MTCL2: variants seen among roughly 807,000 people sequenced by gnomAD.
MTCL2 encodes the protein microtubule cross-linking factor 2.
chr20:36,792,812 T>C, the MTCL2 span, among the ~76,000 whole-genome samples: 1 of 151,948 alleles, frequency 6.6e-6, no homozygotes, highest in Non-Finnish European at 1.5e-5. Context: ...TATCCCTGAA[T>C]TTTTATTTTA....
At chr20:36,815,780 G>A in the MTCL2 span, 10 of 1,590,988 alleles carry the variant, frequency 6.3e-6, no homozygotes, top group Admixed American at 5.3e-5. The surrounding 1 kb of genome is among the most constrained non-coding windows in gnomAD (Gnocchi z 5.3). Context: ...ACAGCGCCAC[G>A]TCCAGCTCGT....
chr20:36,804,507 C>T, the MTCL2 span, among the ~76,000 whole-genome samples: 1 of 152,146 alleles, frequency 6.6e-6, no homozygotes, highest in East Asian at 1.9e-4. Context: ...GAGCCCAGGG[C>T]GCAATCCCCC....
chr20:36,809,865 C>CAG, the MTCL2 span: 2 of 1,318,322 alleles, frequency 1.5e-6, no homozygotes, highest in Admixed American at 4.4e-5. Flanking sequence ...TGAGCCACCA[C>CAG]ACCCAGCCTC....
At chr20:36,848,794 G>A in the MTCL2 span, among the ~76,000 whole-genome samples, 1 of 152,048 alleles carries the variant, frequency 6.6e-6, no homozygotes, top group African/African-American at 2.4e-5. Context: ...TAAGTAAAAT[G>A]TAGCATTTCC....
the MTCL2 span, chr20:36,816,304 C>A: frequency 6.4e-7 from 1 of 1,567,084 alleles, no homozygotes; most frequent in Admixed American, 1.8e-5. Flanking sequence ...TCTGCACTGT[C>A]CTCCTGGGAC....
chr20:36,863,191 G>A, the MTCL2 span: 1 of 1,245,002 alleles, frequency 8.0e-7, no homozygotes, highest in Non-Finnish European at 1.0e-6. This position sits in a 1 kb window ranked among gnomAD's most constrained non-coding sequence, Gnocchi z 6.2. Flanking sequence ...CCTGGGCCGC[G>A]GCGGCCCTTA....
chr20:36,796,809 C>T, the MTCL2 span: 1 of 1,464,194 alleles, frequency 6.8e-7, no homozygotes, highest in African/African-American at 1.4e-5. Context: ...GTGCAGGGCG[C>T]AGCAGGAGGT....
chr20:36,778,154 A>G, the MTCL2 span: 2 of 240,314 alleles, frequency 8.3e-6, no homozygotes, highest in African/African-American at 4.5e-5. Context: ...CAGGCCCTTC[A>G]ACTTCTCTTC....
the MTCL2 span, among the ~76,000 whole-genome samples, chr20:36,841,561 G>T: frequency 1.3e-5 from 2 of 152,114 alleles, no homozygotes; most frequent in Middle Eastern, 3.2e-3. Flanking sequence ...AAGGCTCAGA[G>T]GCAGGAAAGA....
At chr20:36,793,967 G>A in the MTCL2 span, 21 of 1,551,516 alleles carry the variant, frequency 1.4e-5, no homozygotes, top group Admixed American at 3.9e-5. This position sits in a 1 kb window ranked among gnomAD's most constrained non-coding sequence, Gnocchi z 6.8. Flanking sequence ...CAGGCCCACC[G>A]TCTGGCTGGA....
chr20:36,804,953 G>A, the MTCL2 span: 26 of 1,586,312 alleles, frequency 1.6e-5, no homozygotes, highest in Middle Eastern at 1.7e-4. Flanking sequence ...GGGTAGGGAG[G>A]GGAACCTGGG....
chr20:36,802,820 T>C, the MTCL2 span: 1 of 1,569,008 alleles, frequency 6.4e-7, no homozygotes, highest in Non-Finnish European at 8.7e-7. Context: ...AACTCTCCCT[T>C]GCGGGTGGAA....
the MTCL2 span, among the ~76,000 whole-genome samples, chr20:36,825,063 C>T: frequency 1.3e-5 from 2 of 152,084 alleles, no homozygotes; most frequent in Non-Finnish European, 2.9e-5. Context: ...CTATTTCAAC[C>T]TCCCAGGTAG....
chr20:36,797,473 G>T, the MTCL2 span: 1 of 1,551,256 alleles, frequency 6.4e-7, no homozygotes, highest in Admixed American at 2.0e-5. Flanking sequence ...CAGGAGCCAA[G>T]ATAGCATGGC....
the MTCL2 span, chr20:36,839,076 T>G: frequency 4.2e-6 from 3 of 708,172 alleles, no homozygotes; most frequent in Admixed American, 8.7e-5. The surrounding 1 kb of genome is among the most constrained non-coding windows in gnomAD (Gnocchi z 5.1). Context: ...CAGGAATTCC[T>G]ACTTAGATGA....
At chr20:36,794,024 C>T in the MTCL2 span, 45 of 1,551,542 alleles carry the variant, frequency 2.9e-5, no homozygotes, top group Non-Finnish European at 3.7e-5. This position sits in a 1 kb window ranked among gnomAD's most constrained non-coding sequence, Gnocchi z 5.4. Flanking sequence ...CATGGCCTGG[C>T]GCACACAGTT....
the MTCL2 span, chr20:36,777,760 A>G: frequency 1.7e-6 from 1 of 589,060 alleles, no homozygotes; most frequent in Non-Finnish European, 3.0e-6. Context: ...AACCAGGCTG[A>G]GTGGGAAGGG....
At chr20:36,794,347 A>G in the MTCL2 span, 1 of 1,595,706 alleles carries the variant, frequency 6.3e-7, no homozygotes, top group South Asian at 1.1e-5. The surrounding 1 kb of genome is among the most constrained non-coding windows in gnomAD (Gnocchi z 5.4). Flanking sequence ...CCGTCTTGTC[A>G]GGAGCCGTGT....
chr20:36,828,915 G>T, the MTCL2 span: 1 of 868,572 alleles, frequency 1.2e-6, no homozygotes, highest in Non-Finnish European at 1.7e-6. Context: ...TTGGAGGAAT[G>T]AATGAATAAA....
Sources: gnomAD v4.1 joint callset for allele counts (sites outside exome capture counted in the v4.1 genomes callset) on GRCh38, gnomAD v4.1.1 for gene constraint, Gnocchi (gnomAD v3.1) non-coding constraint, MANE v1.5 for transcripts, NCBI Gene and HGNC (gene_info 2026-07-23, HGNC 2026-07-21) for gene names.